TRIM55: variants seen among roughly 807,000 people sequenced by gnomAD.
The protein encoded by TRIM55 is tripartite motif-containing protein 55.
Under a neutral mutation model 60.9 loss-of-function variants are expected in TRIM55, and 50 were observed. The ratio of observed to expected loss-of-function variants is 0.82; its 90% CI spans 0.65 to 1.04. TRIM55 has a LOEUF of 1.04. TRIM55 is among the 50% of genes least tolerant of loss of function. The probability of loss-of-function intolerance (pLI) is 0.00; values close to 1 mark genes in which losing one functional copy is unlikely to be tolerated. For missense variants in TRIM55, 681 were observed against 666.9 expected (o/e 1.02, Z -0.23); for synonymous variants, 237 against 238.1 (o/e 1.00, Z 0.04).
upstream of TRIM55, among the ~76,000 whole-genome samples, chr8:66,125,114 C>G (rs1258097648): frequency 6.6e-6 from 1 of 152,164 alleles, no homozygotes; most frequent in Non-Finnish European, 1.5e-5. Flanking sequence ...TTTCTCTTTC[C>G]CCAATATCCA....
At chr8:66,158,526 A>G (rs919058821) in intron 9 of TRIM55, among the ~76,000 whole-genome samples, 8 of 152,202 alleles carry the variant, frequency 5.3e-5, no homozygotes, top group Non-Finnish European at 1.2e-4. Flanking sequence ...CTGGGCATCT[A>G]AATTCTTGAA....
chr8:66,159,400 A>G (rs988163789), intron 9 of TRIM55, among the ~76,000 whole-genome samples: 26 of 152,142 alleles, frequency 1.7e-4, no homozygotes, highest in Non-Finnish European at 8.8e-5. Context: ...GTGGTAGTCT[A>G]TTGTGTGGGT....
chr8:66,150,214 C>A lies in TRIM55; in HGVS notation c.838-3C>A, dbSNP rs377022301. ...TAAGACTATCTTTTGTTTGCTTTCA[C>A]AGAATGCCAAAACCCTGCTAAAAAA... On this transcript the variant is annotated splice_region_variant and splice_polypyrimidine_tract_variant and intron_variant, in intron 5 of 9. Coordinates refer to ENST00000315962, the MANE Select transcript of TRIM55 (RefSeq NM_184085.2). The A allele has an allele frequency of 6.2e-7, 1 of 1,612,482 alleles. No homozygotes were observed. Among genetic ancestry groups the A allele is most frequent in the Non-Finnish European group, 8.5e-7 (1 of 1,179,166 alleles).
intron 9 of TRIM55, among the ~76,000 whole-genome samples, chr8:66,161,838 T>C (rs1811070280): frequency 6.6e-6 from 1 of 151,542 alleles, no homozygotes; most frequent in South Asian, 2.1e-4. Flanking sequence ...TGCTGGTGTA[T>C]AGCAGAGCTA....
chr8:66,143,054 G>C (rs1403178607), intron 4 of TRIM55, among the ~76,000 whole-genome samples: 1 of 152,174 alleles, frequency 6.6e-6, no homozygotes, highest in African/African-American at 2.4e-5. Context: ...GAATTTTGAA[G>C]TTCCTTATTT....
chr8:66,126,262 C>T (rs1247108073), upstream of TRIM55, among the ~76,000 whole-genome samples: 1 of 152,216 alleles, frequency 6.6e-6, no homozygotes, highest in Non-Finnish European at 1.5e-5. Context: ...CTGCCACCTC[C>T]AGGTGCCTGC....
chr8:66,119,971 C>T, the TRIM55 span, among the ~76,000 whole-genome samples: 3 of 152,210 alleles, frequency 2.0e-5, no homozygotes, highest in Admixed American at 6.5e-5. Context: ...GGACAGTGCC[C>T]TTCTAAAGCA....
intron 9 of TRIM55, among the ~76,000 whole-genome samples, chr8:66,161,809 T>C (rs1811068752): frequency 6.6e-6 from 1 of 150,900 alleles, no homozygotes; most frequent in African/African-American, 2.4e-5. Context: ...CTTGATTTGA[T>C]CAAGAATAGC....
chr8:66,114,084 C>CT, the TRIM55 span, among the ~76,000 whole-genome samples: 1 of 115,522 alleles, frequency 8.7e-6, no homozygotes, highest in Non-Finnish European at 1.9e-5. Flanking sequence ...GGAGAGACAC[C>CT]CCCCCCCCCA....
chr8:66,156,670 C>T lies in TRIM55; in HGVS notation c.1524+2336C>T, dbSNP rs181577577. Among the ~76,000 whole-genome samples, 379 of 152,212 alleles carry T rather than the reference C, an allele frequency of 2.5e-3. 4 individuals carry two copies. The highest frequency in any genetic ancestry group is 8.5e-3 in the African/African-American group (351 of 41,534). ...CAGGGTCAATGGTGCTGAAAAGCCT[C>T]GGCTATTTCTGGCTCACTGACTTTT... On this transcript the variant is annotated intron_variant, in intron 9 of 9. Coordinates refer to ENST00000315962, the MANE Select transcript of TRIM55 (RefSeq NM_184085.2).
chr8:66,159,466 C>G (rs1308291928), intron 9 of TRIM55, among the ~76,000 whole-genome samples: 1 of 152,172 alleles, frequency 6.6e-6, no homozygotes, highest in Non-Finnish European at 1.5e-5. Context: ...TTCTTAGCAG[C>G]TTTGGCTATA....
At chr8:66,121,189 A>G in the TRIM55 span, among the ~76,000 whole-genome samples, 2 of 152,164 alleles carry the variant, frequency 1.3e-5, no homozygotes, top group African/African-American at 4.8e-5. Context: ...CCCCAGACAT[A>G]CCTGGGAGAC....
chr8:66,149,680 G>A lies in TRIM55; in HGVS notation c.639G>A (p.Glu213=). ...GAAAACAGAAACAAGAGCTTTGTGA[G>A]AAGTTTGATTACCTGTATGGCATTT... ...CCRKQKQELC[E]KFDYLYGILE... Residue 213 remains glutamate, a synonymous_variant, in exon 5 of 10, where the codon GAG becomes GAA. Transcript: ENST00000315962. 1 of 1,614,190 alleles carries A rather than the reference G, an allele frequency of 6.2e-7. No individual in the cohort carries two copies. The highest frequency in any genetic ancestry group is 8.5e-7 in the Non-Finnish European group (1 of 1,180,000).
chr8:66,171,007 G>A (rs1047464371), intron 9 of TRIM55, among the ~76,000 whole-genome samples: 5 of 152,186 alleles, frequency 3.3e-5, no homozygotes, highest in Non-Finnish European at 5.9e-5. Flanking sequence ...GACAGTGTTT[G>A]CCTAACCCAA....
chr8:66,151,134 G>A (rs1406206876), intron 7 of TRIM55, among the ~76,000 whole-genome samples: 1 of 152,142 alleles, frequency 6.6e-6, no homozygotes, highest in Non-Finnish European at 1.5e-5. Flanking sequence ...TACATAGGAG[G>A]CATGTGGGTT....
At chr8:66,124,064 G>A (rs997035498), upstream of TRIM55, among the ~76,000 whole-genome samples, 9 of 152,030 alleles carry the variant, frequency 5.9e-5, no homozygotes, top group East Asian at 3.9e-4. Context: ...CTACATCGTC[G>A]GTTACTCAGG....
Position 66,128,308 on chromosome 8 carries a change from C to T in TRIM55, c.173C>T (p.Ser58Phe). 6.2e-7 allele frequency: 1 copy of T among 1,602,202 alleles called. No homozygotes were observed. Among genetic ancestry groups the T allele is most frequent in the East Asian group, 2.2e-5 (1 of 44,564 alleles). Residue 58 changes from serine (S) to phenylalanine (F), a missense_variant, in exon 2 of 10, where the codon TCT (serine) becomes TTT (phenylalanine). Transcript: ENST00000315962. The stretch of plus-strand genomic sequence containing the variant: ...TTTCTTACTTGGCAAGAACAGGCCT[C>T]TAACCCGTATTTGCCCACAAGAGGA... ...RKCASDIFQASNPYLPTRGGT... is the reference protein window; with the variant it reads ...RKCASDIFQAFNPYLPTRGGT...
chr8:66,128,816 T>G (rs1187700388), intron 2 of TRIM55, among the ~76,000 whole-genome samples: 3 of 152,132 alleles, frequency 2.0e-5, no homozygotes, highest in Non-Finnish European at 4.4e-5. Flanking sequence ...CACAGGCACT[T>G]TGTAGCTCCA....
At chr8:66,146,621 A>C (rs1418797899) in intron 4 of TRIM55, among the ~76,000 whole-genome samples, 1 of 152,234 alleles carries the variant, frequency 6.6e-6, no homozygotes, top group Non-Finnish European at 1.5e-5. Flanking sequence ...ACAAGCTGGA[A>C]ACCATTATAT....
Sources: allele counts gnomAD v4.1 joint callset (sites outside exome capture counted in the v4.1 genomes callset), GRCh38; gene constraint gnomAD v4.1.1; transcripts MANE v1.5; gene names NCBI Gene and HGNC (gene_info 2026-07-23, HGNC 2026-07-21).